Variants in CSMD2 observed in about 807,000 individuals in gnomAD.
CSMD2 encodes CUB and sushi domain-containing protein 2.
A neutral mutation model predicts 398.5 loss-of-function variants in CSMD2; 130 were observed. The observed-to-expected ratio is 0.33, with a 90% CI of 0.28 to 0.38. CSMD2 has a LOEUF of 0.38. Among genes scored for constraint, CSMD2 ranks in the 10% least tolerant of loss-of-function variants. The probability of loss-of-function intolerance (pLI) is 1.00; values close to 1 mark genes in which losing one functional copy is unlikely to be tolerated. For synonymous variants in CSMD2, 1,828 were observed against 1,908.5 expected, an observed-to-expected ratio of 0.96 and a Z score of 1.10; for missense variants, 3,829 against 4,764.9, an observed-to-expected ratio of 0.80 and a Z score of 5.78.
chr1:33,661,436 T>C (rs1005092922), intron 26 of CSMD2, among the ~76,000 whole-genome samples: 3 of 152,208 alleles, frequency 2.0e-5, no homozygotes, highest in Non-Finnish European at 4.4e-5. Context: ...GGAATATGTT[T>C]GGAAATTGTG....
chr1:33,739,403 A>T (rs1242300125), intron 14 of CSMD2, 69 bp from the exon 15 acceptor site: 10 of 1,446,318 alleles, frequency 6.9e-6, no homozygotes, highest in Non-Finnish European at 9.3e-6. Flanking sequence ...AAAGAAAATT[A>T]GCTTCCTTGG....
chr1:33,893,912 G>A (rs1216981378), intron 5 of CSMD2, among the ~76,000 whole-genome samples: 2 of 152,180 alleles, frequency 1.3e-5, no homozygotes, highest in Admixed American at 6.5e-5. Flanking sequence ...GCTGATACTG[G>A]ACTTTGAGGC....
intron 5 of CSMD2, among the ~76,000 whole-genome samples, chr1:33,877,472 G>C (rs1429730099): frequency 6.6e-6 from 1 of 152,130 alleles, no homozygotes; most frequent in African/African-American, 2.4e-5. Context: ...ATCAACCTTT[G>C]TGAGGCTCAT....
chr1:33,955,976 T>A (rs1019198990), intron 3 of CSMD2, among the ~76,000 whole-genome samples: 2 of 152,010 alleles, frequency 1.3e-5, no homozygotes, highest in South Asian at 2.1e-4. Flanking sequence ...ATGAGGGAGC[T>A]CACATCAAGG....
Position 33,519,481 on chromosome 1 carries a change from G to T in CSMD2, c.*37C>A. The T allele has an allele frequency of 6.2e-7, 1 of 1,603,604 alleles. No individual in the cohort carries two copies. On this transcript the variant is annotated 3_prime_UTR_variant, in exon 70 of 71. Transcript: ENST00000373381. The surrounding 1 kb of genome is among the most constrained non-coding windows in gnomAD (Gnocchi z 5.6). ...CCTGCTCACCGGCTGCTGGAGGCGGGGCTCTCGGTGGCGGTGGTGGCGGCC... is the reference window on the plus strand; with the variant it reads ...CCTGCTCACCGGCTGCTGGAGGCGGTGCTCTCGGTGGCGGTGGTGGCGGCC...
rs1021433583 is a variant in CSMD2, at chr1:33,766,328, G to C, written c.1846+6241C>G. On this transcript the variant is annotated intron_variant, in intron 13 of 70. Coordinates refer to ENST00000373381, the MANE Select transcript of CSMD2 (RefSeq NM_001281956.2). ...TTTCCAGCAGGGCCTCTCATCTTTC[G>C]GGCCCAACCATTCTAACAGAGAAGA... Among the ~76,000 whole-genome samples the C allele has an allele frequency of 2.0e-5, 3 of 152,030 alleles. No individual in the cohort carries two copies. In the East Asian group the frequency reaches 5.8e-4, roughly 29 times the overall value.
chr1:34,049,549 G>C (rs1179544411), intron 2 of CSMD2, among the ~76,000 whole-genome samples: 1 of 152,046 alleles, frequency 6.6e-6, no homozygotes. Context: ...GCCATCTTTT[G>C]AATCACTTTT....
rs200064884 is a variant in CSMD2, at chr1:33,718,751, A to AT, written c.3002-2251dup. On this transcript the variant is annotated intron_variant, in intron 19 of 70. Coordinates refer to ENST00000373381, the MANE Select transcript of CSMD2 (RefSeq NM_001281956.2). ...TACTTCTCTAGATAATTACTGCTACATTTTTTATAAATGATGGTTGGAGAT... is the reference window on the plus strand; with the variant it reads ...TACTTCTCTAGATAATTACTGCTACATTTTTTTATAAATGATGGTTGGAGAT... 8.2e-3 allele frequency among the ~76,000 whole-genome samples: 1,254 copies of AT among 152,332 alleles called. 18 individuals carry two copies. The highest frequency in any genetic ancestry group is 0.028 in the African/African-American group (1,164 of 41,572).
intron 32 of CSMD2, among the ~76,000 whole-genome samples, chr1:33,630,835 C>A (rs1325587580): frequency 6.6e-6 from 1 of 152,080 alleles, no homozygotes; most frequent in Non-Finnish European, 1.5e-5. Flanking sequence ...GAGTAAACAA[C>A]ACCATGATGA....
chr1:33,948,784 C>T (rs1376367192), intron 3 of CSMD2, among the ~76,000 whole-genome samples: 1 of 152,202 alleles, frequency 6.6e-6, no homozygotes. Context: ...TTTTCCCAGA[C>T]ACAGTACAGA....
Position 33,517,721 on chromosome 1 carries a change from C to A in CSMD2, c.*54-1151G>T, listed in dbSNP as rs148235213. Among the ~76,000 whole-genome samples, 24 of 152,302 alleles carry A rather than the reference C, an allele frequency of 1.6e-4. No individual in the cohort carries two copies. The East Asian group carries it at 4.2e-3, about 27-fold the overall frequency. ...AGAGACGTAAAAAGATGGGGAAAAG[C>A]TCTTTCCATAAATTGTTTGTATTCA... On this transcript the variant is annotated intron_variant, in intron 70 of 70. Coordinates refer to ENST00000373381, the MANE Select transcript of CSMD2 (RefSeq NM_001281956.2).
At chr1:33,803,919 C>T (rs1655918225) in intron 10 of CSMD2, among the ~76,000 whole-genome samples, 1 of 152,226 alleles carries the variant, frequency 6.6e-6, no homozygotes, top group African/African-American at 2.4e-5. Context: ...TTCATCTACT[C>T]TGAGATCTTG....
intron 1 of CSMD2, among the ~76,000 whole-genome samples, chr1:34,125,507 CTGTGTGTGTGTGTGTG>C (rs35436778): frequency 1.2e-4 from 17 of 141,196 alleles, no homozygotes; most frequent in African/African-American, 2.9e-4. Flanking sequence ...TCAACCTTGG[CTGTGTGTGTGTGTGTG>C]TGTGTGTGTG....
chr1:33,865,793 G>C (rs1336767638), intron 5 of CSMD2, among the ~76,000 whole-genome samples: 1 of 152,184 alleles, frequency 6.6e-6, no homozygotes, highest in Non-Finnish European at 1.5e-5. Context: ...CCCTGACATG[G>C]TTTGACTTAG....
At chr1:34,070,662 G>A (rs1268494585) in intron 2 of CSMD2, among the ~76,000 whole-genome samples, 1 of 152,196 alleles carries the variant, frequency 6.6e-6, no homozygotes, top group Non-Finnish European at 1.5e-5. Context: ...ATCTGCCTCT[G>A]TCTGCAAGAA....
At chr1:33,746,849 C>A (rs1327423516) in intron 13 of CSMD2, among the ~76,000 whole-genome samples, 1 of 152,216 alleles carries the variant, frequency 6.6e-6, no homozygotes, top group African/African-American at 2.4e-5. Context: ...CCATCCCACT[C>A]CAAACCTCGA....
At chr1:33,683,169 C>G (rs1309562252) in intron 25 of CSMD2, among the ~76,000 whole-genome samples, 3 of 152,132 alleles carry the variant, frequency 2.0e-5, no homozygotes, top group African/African-American at 4.8e-5. Flanking sequence ...TGTTTAATTT[C>G]TTCGCATTCC....
chr1:34,158,919 G>A (rs1641053965), intron 1 of CSMD2, among the ~76,000 whole-genome samples: 1 of 152,200 alleles, frequency 6.6e-6, no homozygotes, highest in South Asian at 2.1e-4. Context: ...CTCGGTAAAG[G>A]AGAGCTATTA....
intron 12 of CSMD2, among the ~76,000 whole-genome samples, chr1:33,782,443 T>C (rs1348830958): frequency 6.6e-6 from 1 of 152,106 alleles, no homozygotes; most frequent in Non-Finnish European, 1.5e-5. Context: ...AGATAACCAT[T>C]CATCAGCCCC....
Sources: gnomAD v4.1 joint callset for allele counts (sites outside exome capture counted in the v4.1 genomes callset) on GRCh38, gnomAD v4.1.1 for gene constraint, Gnocchi (gnomAD v3.1) non-coding constraint, MANE v1.5 for transcripts, NCBI Gene and HGNC (gene_info 2026-07-23, HGNC 2026-07-21) for gene names.